SLC12A5: variants seen among roughly 807,000 people sequenced by gnomAD.
SLC12A5 encodes the protein solute carrier family 12 member 5.
In SLC12A5, 18 loss-of-function variants were observed where a neutral mutation model predicts 124.0. The ratio of observed to expected loss-of-function variants is 0.15; its 90% CI spans 0.10 to 0.22. SLC12A5 has a LOEUF of 0.22. Among genes scored for constraint, SLC12A5 ranks in the 10% least tolerant of loss-of-function variants. SLC12A5 has a pLI of 1.00. For missense variants in SLC12A5, 867 were observed against 1,478.7 expected (o/e 0.59, Z 6.78); for synonymous variants, 589 against 568.0 (o/e 1.04, Z -0.53).
Position 46,056,290 on chromosome 20 carries a change from T to C in SLC12A5, c.2910+18T>C, listed in dbSNP as rs1447394723. 1 of 1,613,916 alleles carries C rather than the reference T, an allele frequency of 6.2e-7. No homozygotes were observed. Among genetic ancestry groups the C allele is most frequent in the Admixed American group, 1.7e-5 (1 of 59,996 alleles). On this transcript the variant is annotated intron_variant, in intron 22 of 25. Transcript: ENST00000243964. The surrounding 1 kb of genome is among the most constrained non-coding windows in gnomAD (Gnocchi z 4.3). ...AGGAGGAGGTGTGCAGCTTGGGTGG[T>C]TTGGCCCCAACCAGTGGGAGCAGAG...
In SLC12A5 at chr20:46,055,066, C is replaced by G. The variant is rs371829248; in HGVS notation, c.2787+43C>G. Reference sequence around the variant, plus strand: ...GGCCCCTGAGAGCCTCAAACTGCTGCCAGTTCTGGGTGGCAGGTTTAGGAT... The same window carrying G: ...GGCCCCTGAGAGCCTCAAACTGCTGGCAGTTCTGGGTGGCAGGTTTAGGAT... On this transcript the variant is annotated intron_variant, in intron 21 of 25. Coordinates refer to ENST00000243964, the MANE Select transcript of SLC12A5 (RefSeq NM_020708.5). 3.4e-6 allele frequency: 5 copies of G among 1,483,990 alleles called. No individual in the cohort carries two copies. The African/African-American group carries it at 5.5e-5, about 16-fold the overall frequency. 91.9% of individuals were successfully genotyped at this position (1,483,990 alleles called of 1,614,324 possible). A position where few individuals can be genotyped will look rare whatever the true frequency, so the allele number is the denominator to read the frequency against.
In SLC12A5 at chr20:46,041,499, A is replaced by T. The variant is rs1313338780; in HGVS notation, c.1025A>T (p.Glu342Val). 6.2e-7 allele frequency: 1 copy of T among 1,614,136 alleles called. No homozygotes were observed. Among genetic ancestry groups the T allele is most frequent in the African/African-American group, 1.3e-5 (1 of 75,054 alleles). ...DEYFTRNNVT[E>V]IQGIPGAASG... is the part of the protein sequence containing the mutation. ...TACTTCACCCGAAACAATGTCACAG[A>T]GATCCAGGGCATCCCTGGTGCTGCC... The change falls in exon 8 of 26, where the codon GAG becomes GTG. Residue 342 changes from glutamate to valine, a missense_variant. By Grantham distance (121) the Glu-to-Val change is moderately radical (BLOSUM62 -2). Coordinates refer to ENST00000243964, the MANE Select transcript of SLC12A5 (RefSeq NM_020708.5).
chr20:46,041,128 C>T (rs1434485933), intron 7 of SLC12A5: 1 of 533,146 alleles, frequency 1.9e-6, no homozygotes, highest in Non-Finnish European at 3.3e-6. Context: ...GCTTCTCCAC[C>T]TTGGCTGCTT....
At chr20:46,043,516 C>A in intron 9 of SLC12A5, 117 bp from the exon 10 acceptor site, 1 of 1,219,722 alleles carries the variant, frequency 8.2e-7, no homozygotes, top group Non-Finnish European at 1.2e-6. Context: ...CTCACACAAG[C>A]CAGTATGTTA....
chr20:46,027,552 C>T (rs948260945), upstream of SLC12A5: 15 of 152,176 alleles, frequency 9.9e-5, no homozygotes, highest in Non-Finnish European at 2.9e-5. Flanking sequence ...AGTTGCAAGC[C>T]AAGAGTCCAT....
At chr20:46,036,931 C>T (rs1216331530) in intron 5 of SLC12A5, 136 bp downstream of exon 5, 4 of 1,178,538 alleles carry the variant, frequency 3.4e-6, no homozygotes, top group South Asian at 1.4e-5. Context: ...TGTTTTCAGC[C>T]CTATTGGGGG....
intron 7 of SLC12A5, 97 bp from the exon 8 acceptor site, chr20:46,041,232 G>T: frequency 1.0e-6 from 1 of 993,392 alleles, no homozygotes; most frequent in Non-Finnish European, 1.5e-6. Context: ...ATGGGGACCT[G>T]GCGTCCGTGT....
At chr20:46,029,587 G>A (rs1162432459) in intron 1 of SLC12A5, among the ~76,000 whole-genome samples, 191 bp downstream of exon 1, 2 of 152,204 alleles carry the variant, frequency 1.3e-5, no homozygotes, top group African/African-American at 4.8e-5. Flanking sequence ...GCTGGAATGC[G>A]CCGCGCCCGG....
chr20:46,058,688 G>A lies in SLC12A5; in HGVS notation c.*1083G>A. On this transcript the variant is annotated 3_prime_UTR_variant, in exon 26 of 26. Transcript: ENST00000243964. This position sits in a 1 kb window ranked among gnomAD's most constrained non-coding sequence, Gnocchi z 5.8. ...TGGCTCCTCGCCAAAGACTGAAATT[G>A]TGGAGCTGGAGGGCGCCCCCTCCCC... is the stretch of plus-strand genomic sequence containing the variant. 1 of 399,054 alleles carries A rather than the reference G, an allele frequency of 2.5e-6. No individual in the cohort carries two copies. The highest frequency in any genetic ancestry group is 4.4e-6 in the Non-Finnish European group (1 of 226,106). The allele number at this position is 399,054 out of a possible 1,614,324, so 24.7% of individuals were successfully genotyped here.
Position 46,053,187 on chromosome 20 carries a change from T to G in SLC12A5, c.2547+61T>G. 6.5e-7 allele frequency: 1 copy of G among 1,538,058 alleles called. No individual in the cohort carries two copies. Among genetic ancestry groups the G allele is most frequent in the Non-Finnish European group, 8.9e-7 (1 of 1,126,696 alleles). ...GTGTGTATGCATGTATGCATTTGTG[T>G]GCATATGTGCACAACTGCAGGTCAG... On this transcript the variant is annotated intron_variant, in intron 19 of 25. Transcript: ENST00000243964. The surrounding 1 kb of genome is among the most constrained non-coding windows in gnomAD (Gnocchi z 4.7).
chr20:46,022,992 A>AGAG (rs2084368958), exon 2 of SLC12A5: 9 of 338,056 alleles, frequency 2.7e-5, no homozygotes, highest in African/African-American at 1.5e-4. Context: ...AGGAGGAGGA[A>AGAG]GAGGAGGAGG....
At chr20:46,027,479 C>G (rs187264547), upstream of SLC12A5, among the ~76,000 whole-genome samples, 540 of 152,332 alleles carry the variant, frequency 3.5e-3, no homozygotes, top group Middle Eastern at 0.024. Context: ...TCCTATACCC[C>G]GGTCTCCAGG....
At chr20:46,029,024 G>A (rs1274632022), upstream of SLC12A5, 6 of 780,322 alleles carry the variant, frequency 7.7e-6, no homozygotes, top group African/African-American at 5.5e-5. Flanking sequence ...TTGTGCAAGG[G>A]GGCCACTAGT....
Position 46,057,398 on chromosome 20 carries a change from C to A in SLC12A5, c.3259+95C>A. The A allele has an allele frequency of 6.2e-7, 1 of 1,606,670 alleles. No individual in the cohort carries two copies. The highest frequency in any genetic ancestry group is 1.1e-5 in the South Asian group (1 of 90,948). On this transcript the variant is annotated intron_variant, in intron 25 of 25. Transcript: ENST00000243964. This position sits in a 1 kb window ranked among gnomAD's most constrained non-coding sequence, Gnocchi z 7.1. ...TGGAAGAGCTGAGCTGTTCCTGCCT[C>A]CGGATCAGCACCTCGGACAGGGACA...
intron 21 of SLC12A5, among the ~76,000 whole-genome samples, chr20:46,055,414 T>G: frequency 6.6e-6 from 1 of 152,088 alleles, no homozygotes; most frequent in East Asian, 1.9e-4. Flanking sequence ...TTTAGAGATA[T>G]AACTGATGTG....
At chr20:46,047,933 C>T in intron 15 of SLC12A5, 48 bp from the exon 16 acceptor site, 1 of 1,528,494 alleles carries the variant, frequency 6.5e-7, no homozygotes, top group Non-Finnish European at 8.9e-7. Flanking sequence ...GTTCTCCCTG[C>T]CCCCTCCTGG....
At chr20:46,029,858 C>CTG (rs3080279) in intron 1 of SLC12A5, among the ~76,000 whole-genome samples, 18,236 of 132,748 alleles carry the variant, frequency 0.14, 1,579 homozygotes, top group East Asian at 0.5. Flanking sequence ...GAAGAGGTGG[C>CTG]TGTGTGTGTG....
chr20:46,053,729 C>G lies in SLC12A5; in HGVS notation c.2679+20C>G. The G allele has an allele frequency of 6.5e-7, 1 of 1,549,618 alleles. No homozygotes were observed. On this transcript the variant is annotated intron_variant, in intron 20 of 25. Coordinates refer to ENST00000243964, the MANE Select transcript of SLC12A5 (RefSeq NM_020708.5). This position sits in a 1 kb window ranked among gnomAD's most constrained non-coding sequence, Gnocchi z 4.7. ...GAGATGGTGAGTCCCCAGGAGACAC[C>G]GCTGGGGTTCCACCTGGCCCTCTTT...
intron 14 of SLC12A5, among the ~76,000 whole-genome samples, 163 bp downstream of exon 14, chr20:46,046,599 C>A (rs78363875): frequency 6.6e-6 from 1 of 152,170 alleles, no homozygotes; most frequent in Non-Finnish European, 1.5e-5. Flanking sequence ...GGAAGGTCCC[C>A]GAGAGGGTCT....
Sources: allele counts gnomAD v4.1 joint callset (sites outside exome capture counted in the v4.1 genomes callset), GRCh38; gene constraint gnomAD v4.1.1; non-coding constraint Gnocchi (gnomAD v3.1); transcripts MANE v1.5; gene names NCBI Gene and HGNC (gene_info 2026-07-23, HGNC 2026-07-21).